Variants in FANCI observed in about 807,000 individuals in gnomAD.
The protein encoded by FANCI is Fanconi anemia group I protein.
A neutral mutation model predicts 176.1 loss-of-function variants in FANCI; 156 were observed. The observed-to-expected ratio is 0.89, with a 90% CI of 0.78 to 1.01. The LOEUF is 1.01. Ranked by LOEUF, FANCI falls within the 50% of genes least tolerant of loss-of-function variation. The pLI is 0.00. For synonymous variants in FANCI, 613 were observed against 541.7 expected, an observed-to-expected ratio of 1.13 and a Z score of -1.83; for missense variants, 1,678 against 1,534.1, an observed-to-expected ratio of 1.09 and a Z score of -1.57.
At chr15:89,263,642 C>A (rs2052812641) in intron 7 of FANCI, among the ~76,000 whole-genome samples, 182 bp downstream of exon 7, 1 of 152,134 alleles carries the variant, frequency 6.6e-6, no homozygotes, top group Non-Finnish European at 1.5e-5. Context: ...GCTTTACTTA[C>A]TTATTTAAAA....
intron 32 of FANCI, among the ~76,000 whole-genome samples, chr15:89,306,397 T>A (rs1479206174): frequency 6.6e-6 from 1 of 151,932 alleles, no homozygotes; most frequent in Non-Finnish European, 1.5e-5. Flanking sequence ...TTTATAATTC[T>A]AATCTGCTTT....
intron 11 of FANCI, 45 bp downstream of exon 11, chr15:89,273,514 A>T: frequency 4.8e-6 from 2 of 420,856 alleles, no homozygotes; most frequent in Non-Finnish European, 8.0e-6. Flanking sequence ...TAGTTGGTAA[A>T]AAAAAAAAAA....
chr15:89,258,446 G>C lies in FANCI; in HGVS notation c.85-258G>C, dbSNP rs12900825. Among the ~76,000 whole-genome samples the C allele has an allele frequency of 0.3, 45,675 of 151,986 alleles. 8,326 individuals carry two copies. Among genetic ancestry groups the C allele is most frequent in the Non-Finnish European group, 0.39 (26,423 of 67,940 alleles). On this transcript the variant is annotated intron_variant, in intron 2 of 37. Transcript: ENST00000310775. ...ATAACATGCTCAAAAAGTATTTGTT[G>C]GATGAATGTATGTTCCCAACTTAGT... is the stretch of plus-strand genomic sequence containing the variant.
Position 89,292,859 on chromosome 15 carries a change from G to T in FANCI, c.2164G>T (p.Glu722Ter). Residue 722 changes from glutamate (E) to a stop codon, truncating the protein, a stop_gained, in exon 21 of 38, where the codon GAA (glutamate) becomes TAA (stop). Coordinates refer to ENST00000310775, the MANE Select transcript of FANCI (RefSeq NM_001113378.2). LOFTEE classifies it high-confidence loss of function. ...RMIKSELEDFELDKSADFSQS... is the reference protein window; with the variant it reads ...RMIKSELEDF ...GATTAAGAGTGAGCTGGAAGACTTT[G>T]AACTGGTAATTGCTAAGTCCTCAGC... The T allele has an allele frequency of 6.2e-7, 1 of 1,614,028 alleles. No individual in the cohort carries two copies. Among genetic ancestry groups the T allele is most frequent in the South Asian group, 1.1e-5 (1 of 91,030 alleles).
chr15:89,281,898 C>A, intron 16 of FANCI, 63 bp downstream of exon 16: 1 of 1,408,070 alleles, frequency 7.1e-7, no homozygotes, highest in Non-Finnish European at 1.0e-6. Context: ...CTAAAGTTAT[C>A]TCTGCCATCT....
At chr15:89,290,920 C>T (rs1415271123) in intron 19 of FANCI, among the ~76,000 whole-genome samples, 1 of 152,158 alleles carries the variant, frequency 6.6e-6, no homozygotes, top group African/African-American at 2.4e-5. Context: ...AGCTTTTCAT[C>T]TGGCCTTAGG....
chr15:89,285,827 T>C (rs2053793867), intron 18 of FANCI, among the ~76,000 whole-genome samples: 1 of 152,186 alleles, frequency 6.6e-6, no homozygotes, highest in Admixed American at 6.5e-5. Flanking sequence ...AATTTGTGTT[T>C]ACCTAAAGTG....
At chr15:89,299,066 C>T (rs1469501744) in intron 24 of FANCI, among the ~76,000 whole-genome samples, 4 of 151,554 alleles carry the variant, frequency 2.6e-5, no homozygotes, top group African/African-American at 9.7e-5. Context: ...CCCAGCTACT[C>T]AGGAAGCTGA....
Position 89,291,677 on chromosome 15 carries a change from T to C in FANCI, c.1955T>C (p.Leu652Pro). 2 of 1,613,896 alleles carry C rather than the reference T, an allele frequency of 1.2e-6. No individual in the cohort carries two copies. The highest frequency in any genetic ancestry group is 8.5e-7 in the Non-Finnish European group (1 of 1,179,842). ...CCTCTGAAATTAGAAGCTTGTATTC[T>C]GACCCAAGGAGATAAGATCTCTCTA... ...LPPLKLEACI[L>P]TQGDKISLQE... The change falls in exon 20 of 38, where the codon CTG (leucine) becomes CCG (proline). Residue 652 changes from leucine to proline, a missense_variant. Physicochemically the swap from Leu to Pro is moderately conservative, Grantham distance 98 (BLOSUM62 -3). Around this residue, in one of 3 missense-constraint regions of FANCI, gnomAD observed 1,204 missense variants for 1,077.4 expected, o/e 1.12. Transcript: ENST00000310775.
intron 12 of FANCI, 143 bp downstream of exon 12, chr15:89,274,447 A>T (rs2053325479): frequency 1.1e-6 from 1 of 919,658 alleles, no homozygotes; most frequent in Admixed American, 2.2e-5. Context: ...ATTTTCTTAA[A>T]ACTGGTAGAG....
rs1481358546 is a variant in FANCI, at chr15:89,305,426, A to G, written c.3255+17A>G. The G allele has an allele frequency of 6.2e-7, 1 of 1,613,092 alleles. No individual in the cohort carries two copies. The highest frequency in any genetic ancestry group is 8.5e-7 in the Non-Finnish European group (1 of 1,179,880). On this transcript the variant is annotated intron_variant, in intron 30 of 37. Transcript: ENST00000310775. Reference sequence around the variant, plus strand: ...ACTGTCTGTGTAAGTGTTGTACCTGAGCCATGGGGAATAGCTTTGTCATTC... The same window carrying G: ...ACTGTCTGTGTAAGTGTTGTACCTGGGCCATGGGGAATAGCTTTGTCATTC...
At chr15:89,253,190 T>C (rs2151133677) in intron 2 of FANCI, among the ~76,000 whole-genome samples, 1 of 152,230 alleles carries the variant, frequency 6.6e-6, no homozygotes, top group South Asian at 2.1e-4. Flanking sequence ...ATCTAGTATA[T>C]AATAAAATTA....
intron 28 of FANCI, among the ~76,000 whole-genome samples, chr15:89,304,798 C>T (rs1285293670): frequency 6.7e-6 from 1 of 149,130 alleles, no homozygotes; most frequent in Non-Finnish European, 1.5e-5. Context: ...TTTTTTGAGA[C>T]AGAGTTTCAC....
At chr15:89,310,858 C>T (rs1168740566) in intron 34 of FANCI, among the ~76,000 whole-genome samples, 1 of 152,222 alleles carries the variant, frequency 6.6e-6, no homozygotes, top group Non-Finnish European at 1.5e-5. Context: ...GACATGGTGG[C>T]TCATGCCTGT....
chr15:89,256,590 T>G (rs537060739), intron 2 of FANCI, among the ~76,000 whole-genome samples: 1 of 152,234 alleles, frequency 6.6e-6, no homozygotes, highest in Non-Finnish European at 1.5e-5. Flanking sequence ...GCTTCTCTTT[T>G]TAATGACTGA....
rs3784749 is a variant in FANCI, at chr15:89,281,372, T to C, written c.1512+72T>C. The C allele has an allele frequency of 2.2e-3, 3,340 of 1,547,986 alleles. 34 individuals are homozygous for C. Among genetic ancestry groups the C allele is most frequent in the East Asian group, 0.015 (645 of 44,290 alleles). On this transcript the variant is annotated intron_variant, in intron 15 of 37. Transcript: ENST00000310775. The stretch of plus-strand genomic sequence containing the variant: ...TGTCTAGTGGAAGTCTGATGCATTT[T>C]TGTATAAATATATATGTCTAAGAAA...
chr15:89,294,356 G>A (rs1234542636), intron 23 of FANCI, among the ~76,000 whole-genome samples: 1 of 152,046 alleles, frequency 6.6e-6, no homozygotes, highest in East Asian at 1.9e-4. Context: ...AGACTGAGGT[G>A]GGTGGATCAC....
Position 89,263,322 on chromosome 15 carries a change from A to G in FANCI, c.504-97A>G, listed in dbSNP as rs1404865670. The G allele has an allele frequency of 1.3e-4, 122 of 974,226 alleles. 2 individuals are homozygous for G. The Admixed American group carries it at 2.1e-3, about 17-fold the overall frequency. The allele number at this position is 974,226 out of a possible 1,614,324, so 60.3% of individuals were successfully genotyped here. On this transcript the variant is annotated intron_variant, in intron 6 of 37. Coordinates refer to ENST00000310775, the MANE Select transcript of FANCI (RefSeq NM_001113378.2). ...CTTGTTTCTCGGTATTGCAAAATCA[A>G]ACTTGAATTGGCCCTGTTTTTTTGT...
chr15:89,297,517 G>A (rs920484434), intron 24 of FANCI, among the ~76,000 whole-genome samples: 17 of 152,142 alleles, frequency 1.1e-4, no homozygotes, highest in Admixed American at 3.9e-4. Context: ...CCGGCACCTC[G>A]GGAGGCCGAG....
Sources: gnomAD v4.1 joint callset for allele counts (sites outside exome capture counted in the v4.1 genomes callset) on GRCh38, gnomAD v4.1.1 for gene constraint, gnomAD v4.1.1 regional missense constraint, MANE v1.5 for transcripts, NCBI Gene and HGNC (gene_info 2026-07-23, HGNC 2026-07-21) for gene names.